CADM2: variants seen among roughly 807,000 people sequenced by gnomAD.
CADM2 encodes the protein cell adhesion molecule 2, also known as immunoglobulin superfamily member 4D.
Under a neutral mutation model 49.8 loss-of-function variants are expected in CADM2, and 12 were observed. That is an observed-to-expected ratio of 0.24 (90% CI 0.15 to 0.39). The LOEUF (loss-of-function observed/expected upper bound fraction) is 0.39, where lower values mean the gene tolerates loss of function less well. Among genes scored for constraint, CADM2 ranks in the 10% least tolerant of loss-of-function variants. The pLI, the probability that CADM2 is intolerant of heterozygous loss-of-function variation, is 1.00. For missense variants in CADM2, 378 were observed against 492.3 expected, an observed-to-expected ratio of 0.77 and a Z score of 2.20; for synonymous variants, 214 against 175.4, an observed-to-expected ratio of 1.22 and a Z score of -1.74.
Position 85,769,567 on chromosome 3 carries a change from GTATATACA to G in CADM2, c.89-32465_89-32458del, listed in dbSNP as rs1291283303. Among the ~76,000 whole-genome samples the G allele has an allele frequency of 4.7e-4, 19 of 40,794 alleles. No individual in the cohort carries two copies. The Admixed American group carries it at 5.3e-3, about 11-fold the overall frequency. 26.8% of individuals were successfully genotyped at this position (40,794 alleles called of 152,430 possible). On this transcript the variant is annotated intron_variant, in intron 2 of 9. Coordinates refer to ENST00000383699, the MANE Select transcript of CADM2 (RefSeq NM_001167675.2). ...TATATACATATATGTATATATACAC[GTATATACA>G]TATATACATATATAGTATATACACA...
At chr3:85,729,775 T>G (rs1423428677) in intron 2 of CADM2, among the ~76,000 whole-genome samples, 1 of 152,220 alleles carries the variant, frequency 6.6e-6, no homozygotes, top group African/African-American at 2.4e-5. Flanking sequence ...TCTAGATAGG[T>G]TTCTCTTGCT....
intron 1 of CADM2, among the ~76,000 whole-genome samples, chr3:85,282,335 C>T (rs368962143): frequency 9.7e-5 from 14 of 144,664 alleles, no homozygotes; most frequent in African/African-American, 3.4e-4. Flanking sequence ...GAACTCGGCT[C>T]ATGGCAACCT....
At chr3:85,336,341 T>G (rs2045077731) in intron 1 of CADM2, among the ~76,000 whole-genome samples, 1 of 151,560 alleles carries the variant, frequency 6.6e-6, no homozygotes, top group African/African-American at 2.4e-5. Flanking sequence ...TAGGTTGCAA[T>G]AATTTTATTT....
At chr3:85,969,731 A>C (rs554887211) in intron 8 of CADM2, among the ~76,000 whole-genome samples, 2 of 151,186 alleles carry the variant, frequency 1.3e-5, no homozygotes, top group Non-Finnish European at 3.0e-5. Context: ...TATTTTATGC[A>C]TCTTATTTAT....
intron 4 of CADM2, among the ~76,000 whole-genome samples, chr3:85,885,873 T>A (rs921212811): frequency 7.7e-6 from 1 of 129,782 alleles, no homozygotes; most frequent in Non-Finnish European, 1.7e-5. Flanking sequence ...AAAAAAAAAT[T>A]ACAATTTAAT....
At chr3:85,777,820 G>A (rs1053208992) in intron 2 of CADM2, among the ~76,000 whole-genome samples, 8 of 152,158 alleles carry the variant, frequency 5.3e-5, no homozygotes, top group African/African-American at 1.4e-4. Context: ...CCAGTATAGA[G>A]CAGTGATAAA....
chr3:85,497,383 A>G (rs2039948799), intron 1 of CADM2, among the ~76,000 whole-genome samples: 1 of 152,020 alleles, frequency 6.6e-6, no homozygotes, highest in Non-Finnish European at 1.5e-5. Context: ...GCGTCATTAC[A>G]TTTGAAATTG....
intron 1 of CADM2, among the ~76,000 whole-genome samples, chr3:85,679,261 A>G (rs1456023106): frequency 6.6e-6 from 1 of 152,110 alleles, no homozygotes; most frequent in Non-Finnish European, 1.5e-5. Context: ...AAATTTAATG[A>G]AAAAATAGGA....
intron 3 of CADM2, among the ~76,000 whole-genome samples, chr3:85,875,944 T>C (rs1438362500): frequency 6.6e-6 from 1 of 152,262 alleles, no homozygotes; most frequent in South Asian, 2.1e-4. Context: ...ACTTGGCTTA[T>C]TGTACTGACA....
chr3:85,116,034 A>G (rs1400604698), intron 1 of CADM2, among the ~76,000 whole-genome samples: 1 of 152,230 alleles, frequency 6.6e-6, no homozygotes, highest in Non-Finnish European at 1.5e-5. Context: ...TTGTAAAAAC[A>G]CATGTGCGTG....
chr3:85,560,871 T>C (rs896860066), intron 1 of CADM2, among the ~76,000 whole-genome samples: 1 of 152,184 alleles, frequency 6.6e-6, no homozygotes, highest in Non-Finnish European at 1.5e-5. Context: ...AATATGTAAA[T>C]GTTTTACCAT....
At chr3:85,060,777 G>A (rs962756950) in intron 1 of CADM2, among the ~76,000 whole-genome samples, 7 of 152,022 alleles carry the variant, frequency 4.6e-5, no homozygotes, top group African/African-American at 1.7e-4. Context: ...AAGTGTTTAT[G>A]AAATGATATG....
chr3:85,908,396 A>G (rs182756535), intron 5 of CADM2, among the ~76,000 whole-genome samples: 3 of 151,522 alleles, frequency 2.0e-5, no homozygotes, highest in African/African-American at 7.2e-5. Context: ...TAATCTCCTG[A>G]ATATAAGGAG....
intron 1 of CADM2, among the ~76,000 whole-genome samples, chr3:85,233,812 C>G (rs908301650): frequency 6.6e-6 from 1 of 151,812 alleles, no homozygotes; most frequent in Non-Finnish European, 1.5e-5. Context: ...CATTGTTAGC[C>G]AAATTAGAGT....
intron 1 of CADM2, among the ~76,000 whole-genome samples, chr3:85,457,422 A>C (rs2038043907): frequency 6.6e-6 from 1 of 152,080 alleles, no homozygotes; most frequent in South Asian, 2.1e-4. Flanking sequence ...CAAGGAAAAA[A>C]AAAAAATTAA....
chr3:85,877,386 T>G (rs1262163866), intron 3 of CADM2, among the ~76,000 whole-genome samples: 1 of 152,110 alleles, frequency 6.6e-6, no homozygotes, highest in Non-Finnish European at 1.5e-5. Flanking sequence ...AAGGGGAACA[T>G]TTTTTAAAAG....
At chr3:85,764,696 G>A (rs1220141539) in intron 2 of CADM2, among the ~76,000 whole-genome samples, 1 of 151,976 alleles carries the variant, frequency 6.6e-6, no homozygotes, top group Non-Finnish European at 1.5e-5. Context: ...TTCAAGAAAG[G>A]ACTGTGGAAA....
intron 1 of CADM2, among the ~76,000 whole-genome samples, chr3:85,706,439 C>T (rs545386495): frequency 2.0e-5 from 3 of 152,268 alleles, no homozygotes; most frequent in Admixed American, 6.5e-5. Context: ...GCTATATCCC[C>T]GCCCCTTGGC....
chr3:86,061,708 T>C (rs898702959), intron 8 of CADM2, among the ~76,000 whole-genome samples: 3 of 151,956 alleles, frequency 2.0e-5, no homozygotes, highest in African/African-American at 7.2e-5. Flanking sequence ...AAATGAAAAA[T>C]AAAGAGAACT....
Sources: allele counts gnomAD v4.1 joint callset (sites outside exome capture counted in the v4.1 genomes callset), GRCh38; gene constraint gnomAD v4.1.1; transcripts MANE v1.5; gene names NCBI Gene and HGNC (gene_info 2026-07-23, HGNC 2026-07-21).